The following SEM1 variants were observed in gnomAD, a reference collection of about 807,000 sequenced individuals.
The protein encoded by SEM1 is SEM1 26S proteasome subunit, also known as 26S proteasome complex subunit SEM1.
A neutral mutation model predicts 12.7 loss-of-function variants in SEM1; 3 were observed. The ratio of observed to expected loss-of-function variants is 0.24; its 90% CI spans 0.11 to 0.61. The LOEUF (loss-of-function observed/expected upper bound fraction) is 0.61. Among genes scored for constraint, SEM1 ranks in the 20% least tolerant of loss-of-function variants. SEM1 has a pLI of 0.88. For synonymous variants in SEM1, 30 were observed against 27.8 expected (o/e 1.08, Z -0.25); for missense variants, 59 against 81.3 (o/e 0.73, Z 1.06).
At chr7:96,647,838 C>A (rs1808849321) in intron 2 of SEM1, among the ~76,000 whole-genome samples, 1 of 152,168 alleles carries the variant, frequency 6.6e-6, no homozygotes. Context: ...TCTGCTACTC[C>A]ACTCCCAAAA....
chr7:96,489,691 C>T (rs902960514), intron 1 of SEM1, among the ~76,000 whole-genome samples: 3 of 152,256 alleles, frequency 2.0e-5, no homozygotes, highest in African/African-American at 7.2e-5. Context: ...TTGCAGGCCA[C>T]CATCCCTCAA....
chr7:96,708,985 A>G (rs1018841956), intron 1 of SEM1, among the ~76,000 whole-genome samples: 2 of 152,028 alleles, frequency 1.3e-5, no homozygotes, highest in Non-Finnish European at 1.5e-5. Flanking sequence ...TTAAAAAAAT[A>G]TTTTATTTTT....
At position 96,489,147 on chromosome 7, in the gene SEM1, T is replaced by C. The variant is rs182721811; in HGVS notation, c.13-2730A>G. 2.4e-3 allele frequency among the ~76,000 whole-genome samples: 369 copies of C among 152,282 alleles called. 1 individual carries two copies. The highest frequency in any genetic ancestry group is 4.8e-3 in the South Asian group (23 of 4,824). On this transcript the variant is annotated intron_variant, in intron 1 of 3. Transcript: ENST00000356686. Reference sequence around the variant, plus strand: ...CAAGCATGATGTTGACATTTTCAGATGTACTCTCACAGTGCCGCCAGAAGA... The same window carrying C: ...CAAGCATGATGTTGACATTTTCAGACGTACTCTCACAGTGCCGCCAGAAGA...
intron 2 of SEM1, among the ~76,000 whole-genome samples, chr7:96,552,685 T>G (rs1364570858): frequency 6.6e-6 from 1 of 151,450 alleles, no homozygotes; most frequent in Non-Finnish European, 1.5e-5. Context: ...GCATGATTTA[T>G]AGTCCTTTGG....
At chr7:96,585,141 T>A (rs569189378) in intron 2 of SEM1, among the ~76,000 whole-genome samples, 2 of 152,154 alleles carry the variant, frequency 1.3e-5, no homozygotes, top group East Asian at 3.9e-4. Context: ...TACAGATGGG[T>A]TTTTTGGTGT....
At chr7:96,550,513 T>C (rs1805235488) in intron 2 of SEM1, among the ~76,000 whole-genome samples, 1 of 152,262 alleles carries the variant, frequency 6.6e-6, no homozygotes, top group African/African-American at 2.4e-5. Context: ...CTGTGTTTTC[T>C]TGTATTTACA....
chr7:96,612,325 CAT>C (rs1170476432), intron 2 of SEM1, among the ~76,000 whole-genome samples: 2 of 152,204 alleles, frequency 1.3e-5, no homozygotes, highest in African/African-American at 4.8e-5. Context: ...CCAACCAAGA[CAT>C]AGAATGGGCT....
At chr7:96,539,478 C>A (rs536364145) in intron 2 of SEM1, among the ~76,000 whole-genome samples, 73 of 151,394 alleles carry the variant, frequency 4.8e-4, no homozygotes, top group Non-Finnish European at 8.4e-4. Context: ...TGTGTTGCTC[C>A]TACAATATGG....
intron 2 of SEM1, among the ~76,000 whole-genome samples, chr7:96,652,759 T>A (rs985493737): frequency 6.6e-6 from 1 of 152,202 alleles, no homozygotes; most frequent in South Asian, 2.1e-4. Context: ...AAATGAAAAG[T>A]TAATTGTGTG....
At chr7:96,636,295 G>GT (rs891497784) in intron 2 of SEM1, among the ~76,000 whole-genome samples, 1 of 148,964 alleles carries the variant, frequency 6.7e-6, no homozygotes, top group Non-Finnish European at 1.5e-5. Context: ...CCTGGTCAGA[G>GT]TTTCAGAGTA....
rs1001324559 is a variant in SEM1, at chr7:96,584,616, A to G, written c.171-77918T>C. Among the ~76,000 whole-genome samples, 4 of 150,262 alleles carry G rather than the reference A, an allele frequency of 2.7e-5. No homozygotes were observed. In the Admixed American group the frequency reaches 2.7e-4, roughly 10 times the overall value. ...ACTTTCAGGTACACCAATCAGACCT[A>G]GATTTGGTCTTTTCACATAGTCCCA... On this transcript the variant is annotated intron_variant and NMD_transcript_variant, in intron 2 of 3. Coordinates refer to the SEM1 transcript ENST00000466986.
At chr7:96,490,390 G>A (rs889826924) in intron 1 of SEM1, among the ~76,000 whole-genome samples, 5 of 152,146 alleles carry the variant, frequency 3.3e-5, no homozygotes, top group African/African-American at 7.2e-5. Context: ...TACCTATAAA[G>A]AGCCCAGATT....
At chr7:96,502,252 A>G (rs1248175409) in intron 3 of SEM1, among the ~76,000 whole-genome samples, 1 of 152,148 alleles carries the variant, frequency 6.6e-6, no homozygotes, top group Non-Finnish European at 1.5e-5. Flanking sequence ...TCAAATCCTG[A>G]TTCTGGGGCC....
At chr7:96,577,228 C>T (rs73390999) in intron 2 of SEM1, among the ~76,000 whole-genome samples, 8,758 of 152,106 alleles carry the variant, frequency 0.058, 816 homozygotes, top group African/African-American at 0.2. Context: ...AAAGTACTGT[C>T]ACTGGAAGCT....
chr7:96,610,964 G>A (rs546528061), intron 2 of SEM1, among the ~76,000 whole-genome samples: 1 of 152,274 alleles, frequency 6.6e-6, no homozygotes, highest in Admixed American at 6.5e-5. Context: ...GGTAGGTCCA[G>A]GTCCTCTAAA....
chr7:96,527,395 A>T (rs1050899590), intron 2 of SEM1, among the ~76,000 whole-genome samples: 3 of 152,116 alleles, frequency 2.0e-5, no homozygotes, highest in African/African-American at 7.2e-5. Context: ...CAGACCCAGG[A>T]TCTGAAATTC....
chr7:96,540,439 A>G (rs28363892), intron 2 of SEM1, among the ~76,000 whole-genome samples: 3,604 of 151,932 alleles, frequency 0.024, 131 homozygotes, highest in African/African-American at 0.083. Flanking sequence ...TTAATAGGGG[A>G]AAATAATTAA....
chr7:96,667,465 C>A (rs1308008362), intron 2 of SEM1, among the ~76,000 whole-genome samples: 3 of 152,168 alleles, frequency 2.0e-5, no homozygotes. Context: ...CAATTAATTA[C>A]CTATTGGCCA....
At chr7:96,548,936 G>A (rs1805183267) in intron 2 of SEM1, among the ~76,000 whole-genome samples, 1 of 152,196 alleles carries the variant, frequency 6.6e-6, no homozygotes, top group Admixed American at 6.5e-5. Context: ...GGCAAGAGGT[G>A]AGGCAGAAAT....
Sources: gnomAD v4.1 joint callset for allele counts (sites outside exome capture counted in the v4.1 genomes callset) on GRCh38, gnomAD v4.1.1 for gene constraint, MANE v1.5 for transcripts, NCBI Gene and HGNC (gene_info 2026-07-23, HGNC 2026-07-21) for gene names.